Variants in EFCAB7 observed in about 807,000 individuals in gnomAD.
EFCAB7 encodes the protein EF-hand calcium binding domain 7.
In EFCAB7, 66 loss-of-function variants were observed where a neutral mutation model predicts 77.1. That is an observed-to-expected ratio of 0.86 (90% CI 0.70 to 1.05). The LOEUF is 1.05. Ranked by LOEUF, EFCAB7 falls within the 50% of genes least tolerant of loss-of-function variation. The probability of loss-of-function intolerance (pLI) is 0.00; values close to 1 mark genes in which losing one functional copy is unlikely to be tolerated. For missense variants in EFCAB7, 638 were observed against 730.5 expected, an observed-to-expected ratio of 0.87 and a Z score of 1.46; for synonymous variants, 225 against 243.3, an observed-to-expected ratio of 0.92 and a Z score of 0.70.
At position 63,555,269 on chromosome 1, in the gene EFCAB7, T is replaced by A. The variant is rs1416863544; in HGVS notation, c.1057-89T>A. Reference sequence around the variant, plus strand: ...TGATTTAAAAATCATTTCTAATGTGTCCCTTTCAGAAGAAATATTAAAAGC... The same window carrying A: ...TGATTTAAAAATCATTTCTAATGTGACCCTTTCAGAAGAAATATTAAAAGC... On this transcript the variant is annotated intron_variant, in intron 8 of 13. Transcript: ENST00000371088. 4 of 1,361,378 alleles carry A rather than the reference T, an allele frequency of 2.9e-6. No individual in the cohort carries two copies. The African/African-American group carries it at 5.8e-5, about 20-fold the overall frequency. The allele number at this position is 1,361,378 out of a possible 1,614,324, so 84.3% of individuals were successfully genotyped here.
chr1:63,546,648 G>T (rs1646902415), intron 7 of EFCAB7, among the ~76,000 whole-genome samples: 1 of 152,158 alleles, frequency 6.6e-6, no homozygotes, highest in Non-Finnish European at 1.5e-5. Context: ...GATTATAGGT[G>T]TGAGCCACCA....
chr1:63,562,486 T>C (rs1570435839), intron 11 of EFCAB7, among the ~76,000 whole-genome samples: 1 of 98,530 alleles, frequency 1.0e-5, no homozygotes, highest in Admixed American at 1.1e-4. Context: ...TATATATATA[T>C]ATATATATAA....
At chr1:63,584,834 G>T in the EFCAB7 span, among the ~76,000 whole-genome samples, 7 of 152,188 alleles carry the variant, frequency 4.6e-5, no homozygotes, top group East Asian at 1.3e-3. Context: ...AGTTAAGTTT[G>T]GGGGGAGTCA....
intron 6 of EFCAB7, among the ~76,000 whole-genome samples, chr1:63,535,081 CTAAAT>C (rs1394381663): frequency 6.6e-6 from 1 of 151,826 alleles, no homozygotes; most frequent in Non-Finnish European, 1.5e-5. Context: ...TATTTTGCAA[CTAAAT>C]TAATTATTAA....
chr1:63,558,405 A>G (rs1323812362), intron 10 of EFCAB7, among the ~76,000 whole-genome samples: 1 of 152,136 alleles, frequency 6.6e-6, no homozygotes, highest in African/African-American at 2.4e-5. Flanking sequence ...CTACACACCA[A>G]CTCTATGAAG....
intron 4 of EFCAB7, 65 bp downstream of exon 4, chr1:63,532,821 A>G: frequency 7.8e-7 from 1 of 1,285,142 alleles, no homozygotes; most frequent in Non-Finnish European, 1.1e-6. Flanking sequence ...ATTTTTCCCC[A>G]GCTTTATTAA....
intron 7 of EFCAB7, chr1:63,547,573 C>T (rs1272947387): frequency 6.6e-6 from 1 of 152,170 alleles, no homozygotes; most frequent in Non-Finnish European, 1.5e-5. Context: ...GAGTTACCAA[C>T]TGCTACATAA....
At chr1:63,536,107 G>A (rs888009532) in intron 6 of EFCAB7, among the ~76,000 whole-genome samples, 1 of 152,102 alleles carries the variant, frequency 6.6e-6, no homozygotes, top group African/African-American at 2.4e-5. Context: ...TGGGAATTAG[G>A]TAAAAGGTAC....
At chr1:63,565,517 A>C (rs1447412119) in intron 11 of EFCAB7, among the ~76,000 whole-genome samples, 3 of 152,324 alleles carry the variant, frequency 2.0e-5, no homozygotes, top group African/African-American at 7.2e-5. Flanking sequence ...ATTGCAACAA[A>C]AGCAAAAATT....
chr1:63,584,797 G>A, the EFCAB7 span, among the ~76,000 whole-genome samples: 2 of 152,280 alleles, frequency 1.3e-5, no homozygotes, highest in African/African-American at 4.8e-5. Context: ...TGTTCCATAA[G>A]GCTTCTGGTC....
intron 9 of EFCAB7, among the ~76,000 whole-genome samples, chr1:63,556,248 T>C (rs188682214): frequency 6.6e-6 from 1 of 152,296 alleles, no homozygotes; most frequent in East Asian, 1.9e-4. Context: ...AGAATAGATA[T>C]TAAATGTTCC....
Position 63,534,104 on chromosome 1 carries a change from G to A in EFCAB7, c.692G>A (p.Arg231Lys), listed in dbSNP as rs1479834927. The change falls in exon 6 of 14, where the codon AGG becomes AAG. Residue 231 changes from arginine (R) to lysine (K), a missense_variant. By Grantham distance (26) the Arg-to-Lys change is conservative. Coordinates refer to ENST00000371088, the MANE Select transcript of EFCAB7 (RefSeq NM_032437.4). ...PETFLNKGDTRSSLLSATRKF... is the reference protein window; with the variant it reads ...PETFLNKGDTKSSLLSATRKF... ...TCATTACTTGTTGCAGGTGACACCA[G>A]GAGTTCTTTACTGTCAGCAACCAGG... 5.6e-6 allele frequency: 9 copies of A among 1,613,078 alleles called. No individual in the cohort carries two copies. The highest frequency in any genetic ancestry group is 1.3e-5 in the African/African-American group (1 of 74,876).
chr1:63,541,830 T>C (rs981400973), intron 6 of EFCAB7, among the ~76,000 whole-genome samples: 3 of 152,202 alleles, frequency 2.0e-5, no homozygotes, highest in Non-Finnish European at 2.9e-5. Flanking sequence ...CCCAAAGTGC[T>C]GGGATTCCAG....
intron 9 of EFCAB7, 22 bp from the exon 10 acceptor site, chr1:63,557,092 C>G: frequency 6.7e-7 from 1 of 1,498,710 alleles, no homozygotes; most frequent in Non-Finnish European, 8.9e-7. Context: ...CAAGAAATAA[C>G]TAGCTATTTT....
the EFCAB7 span, among the ~76,000 whole-genome samples, chr1:63,580,436 G>A: frequency 1.3e-5 from 2 of 151,968 alleles, no homozygotes; most frequent in Non-Finnish European, 2.9e-5. Flanking sequence ...TGATCGATGT[G>A]TCTTTCCCTT....
chr1:63,546,104 T>G, intron 7 of EFCAB7, 47 bp downstream of exon 7: 1 of 1,577,988 alleles, frequency 6.3e-7, no homozygotes, highest in Non-Finnish European at 8.6e-7. Context: ...ATTTGTACCC[T>G]CCTTGAAAGT....
chr1:63,540,327 G>A (rs1430469116), intron 6 of EFCAB7, among the ~76,000 whole-genome samples: 2 of 139,166 alleles, frequency 1.4e-5, no homozygotes, highest in Non-Finnish European at 3.0e-5. Context: ...TGGCGCCACT[G>A]CACTCCAGCC....
chr1:63,555,577 G>A (rs775356161), intron 9 of EFCAB7, 62 bp downstream of exon 9: 2 of 1,440,650 alleles, frequency 1.4e-6, no homozygotes, highest in Non-Finnish European at 1.9e-6. Flanking sequence ...TTAATAGCCT[G>A]TGTTACTCCC....
intron 11 of EFCAB7, among the ~76,000 whole-genome samples, chr1:63,564,044 C>G (rs1413490513): frequency 4.0e-5 from 6 of 151,750 alleles, no homozygotes; most frequent in Non-Finnish European, 8.8e-5. Context: ...AATTTACTTT[C>G]TTTTTTAGAG....
Sources: allele counts gnomAD v4.1 joint callset (sites outside exome capture counted in the v4.1 genomes callset), GRCh38; gene constraint gnomAD v4.1.1; transcripts MANE v1.5; gene names NCBI Gene and HGNC (gene_info 2026-07-23, HGNC 2026-07-21).